Variants in CDS2 observed in about 807,000 individuals in gnomAD.
The protein encoded by CDS2 is phosphatidate cytidylyltransferase 2.
Under a neutral mutation model 59.0 loss-of-function variants are expected in CDS2, and 47 were observed. The observed-to-expected ratio is 0.80, with a 90% CI of 0.63 to 1.02. The LOEUF is 1.02. CDS2 is among the 50% of genes least tolerant of loss of function. The pLI, the probability that CDS2 is intolerant of heterozygous loss-of-function variation, is 0.00. For synonymous variants in CDS2, 207 were observed against 206.4 expected (o/e 1.00, Z -0.02); for missense variants, 356 against 558.9 (o/e 0.64, Z 3.66).
intron 1 of CDS2, among the ~76,000 whole-genome samples, chr20:5,152,375 G>A (rs2090799648): frequency 6.6e-6 from 1 of 152,094 alleles, no homozygotes; most frequent in African/African-American, 2.4e-5. Context: ...TTCAAAGACA[G>A]CATTTCCTGT....
intron 1 of CDS2, among the ~76,000 whole-genome samples, chr20:5,149,224 G>C (rs6053158): frequency 2.0e-5 from 3 of 152,004 alleles, no homozygotes; most frequent in Non-Finnish European, 2.9e-5. Context: ...ATTGTTTCTC[G>C]TGGCCGTTTT....
intron 1 of CDS2, among the ~76,000 whole-genome samples, chr20:5,139,689 T>A (rs1194379232): frequency 6.6e-6 from 1 of 152,212 alleles, no homozygotes; most frequent in Non-Finnish European, 1.5e-5. Context: ...TAGCCTTGGG[T>A]TTGTCATATA....
intron 1 of CDS2, among the ~76,000 whole-genome samples, chr20:5,131,150 A>C (rs948728189): frequency 3.3e-5 from 5 of 152,090 alleles, no homozygotes; most frequent in Non-Finnish European, 5.9e-5. Flanking sequence ...AAAATGTTAC[A>C]GTTGCTTAAC....
intron 1 of CDS2, among the ~76,000 whole-genome samples, chr20:5,149,962 A>G (rs1335911994): frequency 1.3e-5 from 2 of 151,926 alleles, no homozygotes; most frequent in African/African-American, 4.8e-5. Flanking sequence ...TGATCCACCC[A>G]CTTCGGCCTC....
intron 1 of CDS2, among the ~76,000 whole-genome samples, chr20:5,140,211 C>G (rs952578391): frequency 6.6e-6 from 1 of 152,162 alleles, no homozygotes; most frequent in Admixed American, 6.5e-5. Context: ...CTTATTGAAC[C>G]AAGCAGGCAT....
intron 1 of CDS2, among the ~76,000 whole-genome samples, chr20:5,150,436 C>T (rs2090779589): frequency 6.6e-6 from 1 of 152,242 alleles, no homozygotes. Flanking sequence ...TGGTCTCCGC[C>T]AGTCATTTTT....
At chr20:5,132,916 T>TA (rs1169720450) in intron 1 of CDS2, among the ~76,000 whole-genome samples, 1 of 151,996 alleles carries the variant, frequency 6.6e-6, no homozygotes, top group Non-Finnish European at 1.5e-5. Flanking sequence ...CTCACGCCTG[T>TA]AATCCCAGCA....
chr20:5,187,721 A>C lies in CDS2; in HGVS notation c.981+882A>C, dbSNP rs2091080177. 4 of 151,982 alleles carry C rather than the reference A, an allele frequency of 2.6e-5. No homozygotes were observed. In the South Asian group the frequency reaches 8.3e-4, roughly 32 times the overall value. The allele number at this position is 151,982 out of a possible 1,614,324, so 9.4% of individuals were successfully genotyped here. A position where few individuals can be genotyped will look rare whatever the true frequency, so the allele number is the denominator to read the frequency against. On this transcript the variant is annotated intron_variant, in intron 10 of 12. Transcript: ENST00000460006. ...CATGGCGAAACCCCGTCTTTACTAAAAATACAAAAAAATATAGCTGGGGAT... is the reference window on the plus strand; with the variant it reads ...CATGGCGAAACCCCGTCTTTACTAACAATACAAAAAAATATAGCTGGGGAT...
intron 1 of CDS2, among the ~76,000 whole-genome samples, 174 bp from the exon 2 acceptor site, chr20:5,173,349 G>T (rs1331920187): frequency 6.6e-6 from 1 of 152,250 alleles, no homozygotes; most frequent in South Asian, 2.1e-4. Flanking sequence ...CTTGGCACAT[G>T]TCACAACAGT....
rs961554064 is a variant in CDS2, at chr20:5,190,568, A to G, written c.*334A>G. The G allele has an allele frequency of 5.2e-5, 9 of 173,580 alleles. No homozygotes were observed. The highest frequency in any genetic ancestry group is 9.8e-5 in the Non-Finnish European group (8 of 81,878). The allele number at this position is 173,580 out of a possible 1,614,324, so 10.8% of individuals were successfully genotyped here. A position where few individuals can be genotyped will look rare whatever the true frequency, so the allele number is the denominator to read the frequency against. On this transcript the variant is annotated 3_prime_UTR_variant, in exon 13 of 13. Coordinates refer to ENST00000460006, the MANE Select transcript of CDS2 (RefSeq NM_003818.4). ...TTCTTGGTGGTTCCAGCCCCCATCAATTGAACTGTTTCTGGGCTCAGTCAG... is the reference window on the plus strand; with the variant it reads ...TTCTTGGTGGTTCCAGCCCCCATCAGTTGAACTGTTTCTGGGCTCAGTCAG...
At chr20:5,137,663 A>G (rs767309293) in intron 1 of CDS2, among the ~76,000 whole-genome samples, 1 of 151,734 alleles carries the variant, frequency 6.6e-6, no homozygotes, top group Non-Finnish European at 1.5e-5. Flanking sequence ...TATTTTTTAA[A>G]ATTTGCTGGG....
At chr20:5,148,665 A>T (rs942079557) in intron 1 of CDS2, among the ~76,000 whole-genome samples, 1 of 152,164 alleles carries the variant, frequency 6.6e-6, no homozygotes, top group African/African-American at 2.4e-5. Flanking sequence ...ATCCCTCCTC[A>T]TTGCTGATCT....
At chr20:5,152,439 A>G (rs1277562942) in intron 1 of CDS2, among the ~76,000 whole-genome samples, 1 of 152,168 alleles carries the variant, frequency 6.6e-6, no homozygotes, top group Non-Finnish European at 1.5e-5. Context: ...TTGAACTGGC[A>G]TAAGAATTAG....
rs2091150922 is a variant in CDS2 at position 5,195,547 on chromosome 20, C to G, written c.*5313C>G. 6.6e-6 allele frequency: 1 copy of G among 152,480 alleles called. No homozygotes were observed. The highest frequency in any genetic ancestry group is 2.1e-4 in the South Asian group (1 of 4,820). 9.4% of individuals were successfully genotyped at this position (152,480 alleles called of 1,614,324 possible). A position where few individuals can be genotyped will look rare whatever the true frequency, so the allele number is the denominator to read the frequency against. ...TACCTCCACTCTGGGCAGGGAGGGC[C>G]TGTCTGTGACTCGCTCTGGACCCCA... On this transcript the variant is annotated 3_prime_UTR_variant, in exon 13 of 13. Transcript: ENST00000460006.
At chr20:5,128,322 G>T (rs548442154) in intron 1 of CDS2, 29 of 152,310 alleles carry the variant, frequency 1.9e-4, no homozygotes, top group African/African-American at 6.7e-4. Flanking sequence ...CACCCAGAAG[G>T]AAGAAAGCAC....
rs893217004 is a variant in CDS2, at chr20:5,190,731, T to C, written c.*497T>C. On this transcript the variant is annotated 3_prime_UTR_variant, in exon 13 of 13. Coordinates refer to ENST00000460006, the MANE Select transcript of CDS2 (RefSeq NM_003818.4). ...CTGCAGAAGGGTTGCCTTCTGTAGG[T>C]CGGAGGAATGGAGGCTTACTAACCA... 1.3e-5 allele frequency: 2 copies of C among 152,138 alleles called. No individual in the cohort carries two copies. Among genetic ancestry groups the C allele is most frequent in the African/African-American group, 4.8e-5 (2 of 41,400 alleles). The allele number at this position is 152,138 out of a possible 1,614,324, so 9.4% of individuals were successfully genotyped here.
At chr20:5,134,350 A>C (rs779824271) in intron 1 of CDS2, among the ~76,000 whole-genome samples, 1 of 152,184 alleles carries the variant, frequency 6.6e-6, no homozygotes, top group South Asian at 2.1e-4. Context: ...AGGGTCTGCT[A>C]TGGACGGTGT....
chr20:5,149,637 A>G (rs1213239096), intron 1 of CDS2, among the ~76,000 whole-genome samples: 1 of 152,158 alleles, frequency 6.6e-6, no homozygotes, highest in Non-Finnish European at 1.5e-5. Flanking sequence ...CCTGGGTTCA[A>G]GTGATCCTCC....
rs148208609 is a variant in CDS2 at position 5,143,073 on chromosome 20, G to C, written c.57+15924G>C. 3.6e-3 allele frequency among the ~76,000 whole-genome samples: 540 copies of C among 152,014 alleles called. 8 individuals carry two copies. The highest frequency in any genetic ancestry group is 4.6e-3 in the South Asian group (22 of 4,810). ...TGACCAGGCTGGTCTTGAACTCCTG[G>C]GCTCAAGCATTCCTCCTGCCTCAGC... On this transcript the variant is annotated intron_variant, in intron 1 of 12. Coordinates refer to ENST00000460006, the MANE Select transcript of CDS2 (RefSeq NM_003818.4).
Sources: gnomAD v4.1 joint callset for allele counts (sites outside exome capture counted in the v4.1 genomes callset) on GRCh38, gnomAD v4.1.1 for gene constraint, MANE v1.5 for transcripts, NCBI Gene and HGNC (gene_info 2026-07-23, HGNC 2026-07-21) for gene names.